The following NOTCH2NLB variants were observed in gnomAD, a reference collection of about 807,000 sequenced individuals.
NOTCH2NLB encodes the protein notch 2 N-terminal like B, also known as notch homolog 2 N-terminal-like protein B.
NOTCH2NLB carries 1 observed loss-of-function variant against 14.8 expected under a neutral mutation model. The observed-to-expected ratio is 0.07, with a 90% CI of 0.02 to 0.32. The LOEUF (loss-of-function observed/expected upper bound fraction) is 0.32, where lower values mean the gene tolerates loss of function less well. Among genes scored for constraint, NOTCH2NLB ranks in the 10% least tolerant of loss-of-function variants. The pLI, the probability that NOTCH2NLB is intolerant of heterozygous loss-of-function variation, is 1.00. For synonymous variants in NOTCH2NLB, 6 were observed against 57.5 expected (o/e 0.10, Z 4.05); for missense variants, 11 against 155.0 (o/e 0.07, Z 4.93).
intron 1 of NOTCH2NLB, among the ~76,000 whole-genome samples, chr1:148,651,144 GAAAAAAAAAA>G (rs1159790526): frequency 1.3e-4 from 10 of 76,504 alleles, no homozygotes; most frequent in African/African-American, 4.4e-4. Context: ...CTCTGCCTGA[GAAAAAAAAAA>G]AAAAAAAAAT....
chr1:148,600,607 ACACTT>A, the NOTCH2NLB span, among the ~76,000 whole-genome samples: 1 of 135,970 alleles, frequency 7.4e-6, no homozygotes, highest in Non-Finnish European at 1.5e-5. Flanking sequence ...AATGAGATAA[ACACTT>A]CACATTACAG....
intron 1 of NOTCH2NLB, among the ~76,000 whole-genome samples, chr1:148,674,841 C>G (rs1381048056): frequency 2.7e-5 from 4 of 146,818 alleles, no homozygotes; most frequent in Non-Finnish European, 6.0e-5. Context: ...GTAGGGTGTT[C>G]AGGGGACTCT....
At chr1:148,610,378 A>AGAAAGAAG (rs1663662057) in intron 3 of NOTCH2NLB, among the ~76,000 whole-genome samples, 6 of 121,932 alleles carry the variant, frequency 4.9e-5, no homozygotes, top group East Asian at 2.3e-4. Context: ...AGAAAGAGAA[A>AGAAAGAAG]GAAAGAAAGA....
Position 148,609,065 on chromosome 1 carries a change from A to C in NOTCH2NLB, c.338-1320T>G, listed in dbSNP as rs1413231985. Among the ~76,000 whole-genome samples the C allele has an allele frequency of 6.1e-5, 8 of 130,668 alleles. No individual in the cohort carries two copies. In the East Asian group the frequency reaches 1.7e-3, roughly 27 times the overall value. The allele number at this position is 130,668 out of a possible 152,430, so 85.7% of individuals were successfully genotyped here. On this transcript the variant is annotated intron_variant, in intron 3 of 4. Coordinates refer to ENST00000593495, the Ensembl canonical transcript of NOTCH2NLB. ...CATTAGTCTAAGTAGCTTATTATTT[A>C]AACTACAGAGATAAGAACTCCTTGA...
At position 148,631,143 on chromosome 1, in the gene NOTCH2NLB, C is replaced by T. The variant is rs1194689961; in HGVS notation, c.77+8873G>A. ...CTATACAGATTTAATACCCTAAATG[C>T]TACCATTCTACATAAATCCTAATCA... On this transcript the variant is annotated intron_variant, in intron 2 of 4. Transcript: ENST00000593495. Among the ~76,000 whole-genome samples, 4 of 139,582 alleles carry T rather than the reference C, an allele frequency of 2.9e-5. 1 individual carries two copies. Among genetic ancestry groups the T allele is most frequent in the South Asian group, 4.7e-4 (2 of 4,292 alleles). 91.6% of individuals were successfully genotyped at this position (139,582 alleles called of 152,430 possible).
intron 1 of NOTCH2NLB, among the ~76,000 whole-genome samples, chr1:148,674,841 C>T (rs1381048056): frequency 1.4e-4 from 21 of 146,912 alleles, no homozygotes; most frequent in African/African-American, 4.7e-4. Context: ...GTAGGGTGTT[C>T]AGGGGACTCT....
chr1:148,691,789 A>G, the NOTCH2NLB span, among the ~76,000 whole-genome samples: 1 of 76,922 alleles, frequency 1.3e-5, no homozygotes, highest in Non-Finnish European at 2.5e-5. Context: ...CTTGGTGATA[A>G]GCAAGTTCTC....
the NOTCH2NLB span, among the ~76,000 whole-genome samples, chr1:148,691,846 A>AC: frequency 1.4e-4 from 13 of 89,892 alleles, no homozygotes; most frequent in East Asian, 2.8e-3. Context: ...GGAGCCTGAC[A>AC]CCCCCCCCGC....
the NOTCH2NLB span, among the ~76,000 whole-genome samples, chr1:148,703,147 G>A: frequency 8.5e-5 from 3 of 35,382 alleles, no homozygotes; most frequent in Non-Finnish European, 1.1e-4. Flanking sequence ...AAAATTAGCC[G>A]GGCATGGTGG....
At chr1:148,691,874 C>T in the NOTCH2NLB span, among the ~76,000 whole-genome samples, 5 of 98,920 alleles carry the variant, frequency 5.1e-5, no homozygotes, top group East Asian at 2.1e-3. Context: ...CCCTCTCTTG[C>T]CATATGACAC....
In NOTCH2NLB at chr1:148,633,161, C is replaced by T. The variant is rs1247186674; in HGVS notation, c.77+6855G>A. On this transcript the variant is annotated intron_variant, in intron 2 of 4. Coordinates refer to ENST00000593495, the Ensembl canonical transcript of NOTCH2NLB. ...TTCAAATTGAGAACAGACCCTAATACGCAATAATGTTAGCTAGCATTATAG... is the reference window on the plus strand; with the variant it reads ...TTCAAATTGAGAACAGACCCTAATATGCAATAATGTTAGCTAGCATTATAG... Among the ~76,000 whole-genome samples the T allele has an allele frequency of 7.9e-5, 10 of 127,222 alleles. 3 individuals carry two copies. Among genetic ancestry groups the T allele is most frequent in the Admixed American group, 1.5e-4 (2 of 13,318 alleles). The allele number at this position is 127,222 out of a possible 152,430, so 83.5% of individuals were successfully genotyped here. A position where few individuals can be genotyped will look rare whatever the true frequency, so the allele number is the denominator to read the frequency against.
intron 1 of NOTCH2NLB, among the ~76,000 whole-genome samples, chr1:148,651,160 AAAATAT>A (rs1170431601): frequency 3.2e-4 from 15 of 46,686 alleles, no homozygotes; most frequent in African/African-American, 5.3e-4. Flanking sequence ...AAAAAAAAAA[AAAATAT>A]ATATATATAT....
At chr1:148,637,219 C>T in intron 2 of NOTCH2NLB, among the ~76,000 whole-genome samples, 1 of 145,174 alleles carries the variant, frequency 6.9e-6, no homozygotes, top group Middle Eastern at 3.6e-3. Context: ...CAGGTGCGTG[C>T]CACCACGCCC....
At chr1:148,621,096 CTCTT>C (rs1663864325) in intron 2 of NOTCH2NLB, among the ~76,000 whole-genome samples, 1 of 131,836 alleles carries the variant, frequency 7.6e-6, no homozygotes, top group African/African-American at 3.0e-5. Context: ...TGTGAGAAAG[CTCTT>C]TCTTAATTCT....
At chr1:148,639,451 AT>A (rs1442341491) in intron 2 of NOTCH2NLB, among the ~76,000 whole-genome samples, 1 of 58,824 alleles carries the variant, frequency 1.7e-5, no homozygotes, top group African/African-American at 1.7e-4. Context: ...TCTAATATAC[AT>A]TTTTTTATTT....
chr1:148,628,136 C>G (rs1664029585), intron 2 of NOTCH2NLB, among the ~76,000 whole-genome samples: 1 of 120,648 alleles, frequency 8.3e-6, no homozygotes, highest in Non-Finnish European at 1.7e-5. Flanking sequence ...CACAAAGAGG[C>G]ATGTGTGCAT....
Position 148,637,992 on chromosome 1 carries a change from C to T in NOTCH2NLB, c.77+2024G>A, listed in dbSNP as rs1299946733. ...CACATTTTCTTTATCCAGTCTATCA[C>T]CGTTGGGCATTTGGGTTGGTTCCAA... On this transcript the variant is annotated intron_variant, in intron 2 of 4. Coordinates refer to ENST00000593495, the Ensembl canonical transcript of NOTCH2NLB. Among the ~76,000 whole-genome samples the T allele has an allele frequency of 3.5e-4, 52 of 147,862 alleles. 6 individuals are homozygous for T. Among genetic ancestry groups the T allele is most frequent in the African/African-American group, 1.3e-3 (50 of 39,432 alleles).
intron 3 of NOTCH2NLB, among the ~76,000 whole-genome samples, chr1:148,611,901 T>A (rs1663705412): frequency 6.7e-6 from 1 of 149,406 alleles, no homozygotes; most frequent in Non-Finnish European, 1.5e-5. Context: ...GAGTGCCCAA[T>A]TTGCCAGCAG....
the NOTCH2NLB span, among the ~76,000 whole-genome samples, chr1:148,693,149 A>C: frequency 7.4e-6 from 1 of 135,056 alleles, no homozygotes; most frequent in Non-Finnish European, 1.5e-5. Flanking sequence ...ACCCCTGCAC[A>C]TTCTGATTGT....
Sources: allele counts gnomAD v4.1 joint callset (sites outside exome capture counted in the v4.1 genomes callset), GRCh38; gene constraint gnomAD v4.1.1; transcripts MANE v1.5; gene names NCBI Gene and HGNC (gene_info 2026-07-23, HGNC 2026-07-21).